The following CFAP92 variants were observed in gnomAD, a reference collection of about 807,000 sequenced individuals.
The protein encoded by CFAP92 is cilia and flagella associated protein 92 (putative), also known as uncharacterized protein CFAP92.
Under a neutral mutation model 106.3 loss-of-function variants are expected in CFAP92, and 86 were observed. The observed-to-expected ratio is 0.81, with a 90% confidence interval of 0.68 to 0.97. CFAP92 has a LOEUF of 0.97. Ranked by LOEUF, CFAP92 falls within the 50% of genes least tolerant of loss-of-function variation. The pLI is 0.00. For missense variants in CFAP92, 1,204 were observed against 1,283.8 expected, an observed-to-expected ratio of 0.94 and a Z score of 0.95; for synonymous variants, 477 against 506.4, an observed-to-expected ratio of 0.94 and a Z score of 0.78.
At chr3:128,928,673 G>A (rs975653236) in intron 12 of CFAP92, among the ~76,000 whole-genome samples, 4 of 152,214 alleles carry the variant, frequency 2.6e-5, no homozygotes, top group Non-Finnish European at 4.4e-5. Context: ...AGATCTAAAT[G>A]TGAGAGCTAA....
intron 10 of CFAP92, among the ~76,000 whole-genome samples, chr3:128,942,491 C>T (rs891523970): frequency 7.2e-5 from 11 of 152,296 alleles, no homozygotes; most frequent in Non-Finnish European, 1.2e-4. Flanking sequence ...GCCCCCATCC[C>T]GAAGCACCTG....
chr3:128,960,503 A>G (rs1353569621), intron 9 of CFAP92, among the ~76,000 whole-genome samples: 4 of 151,854 alleles, frequency 2.6e-5, no homozygotes, highest in African/African-American at 9.7e-5. Context: ...CCTTAATTTC[A>G]ATTCCTTTCA....
At chr3:129,014,631 A>G in the CFAP92 span, among the ~76,000 whole-genome samples, 72 of 152,318 alleles carry the variant, frequency 4.7e-4, no homozygotes, top group African/African-American at 1.7e-3. This position sits in a 1 kb window ranked among gnomAD's most constrained non-coding sequence, Gnocchi z 4.3. Flanking sequence ...GGACATCAAC[A>G]TATGAATTGG....
In CFAP92 at chr3:128,945,694, G is replaced by T; in HGVS notation, c.1635C>A (p.Pro545=). Reference sequence around the variant, plus strand: ...CAAAGGGGTTGTTCTCTGTCTCTCTGGGAGAGATGAGGGCCTGGAAGTTGA... The same window carrying T: ...CAAAGGGGTTGTTCTCTGTCTCTCTTGGAGAGATGAGGGCCTGGAAGTTGA... ...SYLNFQALIS[P]RETENNPFES... The change falls in exon 10 of 16, where the codon CCC becomes CCA. Residue 545 remains proline, a synonymous_variant. Transcript: ENST00000645291. 6.5e-7 allele frequency: 1 copy of T among 1,536,094 alleles called. No homozygotes were observed. The highest frequency in any genetic ancestry group is 1.2e-5 in the South Asian group (1 of 84,044).
At chr3:128,951,644 G>A (rs1940817967) in intron 9 of CFAP92, among the ~76,000 whole-genome samples, 1 of 152,150 alleles carries the variant, frequency 6.6e-6, no homozygotes, top group Admixed American at 6.6e-5. Flanking sequence ...AGTGAGAGTA[G>A]GCAGAAAGGA....
intron 8 of CFAP92, chr3:128,970,393 A>G (rs923908712): frequency 6.6e-6 from 1 of 152,134 alleles, no homozygotes; most frequent in Admixed American, 6.5e-5. Context: ...CTTCTCTATG[A>G]ATGCTGGTTC....
intron 8 of CFAP92, chr3:128,967,878 G>A (rs1942500041): frequency 6.6e-6 from 1 of 152,126 alleles, no homozygotes; most frequent in African/African-American, 2.4e-5. Flanking sequence ...TTTGCTCAGG[G>A]GACAGTCCTG....
At chr3:129,020,715 G>A in the CFAP92 span, among the ~76,000 whole-genome samples, 4 of 152,192 alleles carry the variant, frequency 2.6e-5, no homozygotes, top group Middle Eastern at 3.2e-3. Flanking sequence ...TATTGGAGTG[G>A]CTGGCCCAGG....
At chr3:128,968,091 C>G (rs1216993622) in intron 8 of CFAP92, 1 of 152,184 alleles carries the variant, frequency 6.6e-6, no homozygotes, top group African/African-American at 2.4e-5. Context: ...GCGCTAATGT[C>G]ATTTCATCCT....
intron 12 of CFAP92, among the ~76,000 whole-genome samples, chr3:128,916,836 G>A (rs1403334644): frequency 1.3e-5 from 2 of 152,114 alleles, no homozygotes; most frequent in East Asian, 3.9e-4. Context: ...AAGGTGGCTG[G>A]GACCCAAAAC....
At chr3:128,949,888 A>G (rs1940612480) in intron 9 of CFAP92, among the ~76,000 whole-genome samples, 1 of 152,120 alleles carries the variant, frequency 6.6e-6, no homozygotes, top group Non-Finnish European at 1.5e-5. Context: ...GGTTTCCCCC[A>G]TGTTGGCCAG....
intron 9 of CFAP92, among the ~76,000 whole-genome samples, chr3:128,950,809 C>T (rs4596167): frequency 0.13 from 20,242 of 152,162 alleles, 1,443 homozygotes; most frequent in Middle Eastern, 0.18. Context: ...CACCCCCTGC[C>T]TAGCATGTAT....
intron 9 of CFAP92, among the ~76,000 whole-genome samples, chr3:128,959,070 C>T (rs1232478474): frequency 1.3e-5 from 2 of 151,602 alleles, no homozygotes; most frequent in African/African-American, 2.4e-5. Flanking sequence ...ATTAGCCGGG[C>T]GTGGTGGCAA....
chr3:128,932,786 CTAAG>C lies in CFAP92; in HGVS notation c.2661_2664del (p.Leu888ArgfsTer18). 1.3e-6 allele frequency: 2 copies of C among 1,536,200 alleles called. No individual in the cohort carries two copies. The highest frequency in any genetic ancestry group is 1.7e-4 in the Middle Eastern group (1 of 5,968). On this transcript the variant is annotated frameshift_variant, in exon 12 of 16. Transcript: ENST00000645291. LOFTEE classifies it high-confidence loss of function. ...TACTTCTCCTGGTGGGCGTGGATCT[CTAAG>C]GTGAGGGTGGAGTTCCGACTGTGGT...
At chr3:128,967,258 A>G (rs890325384) in intron 8 of CFAP92, 8 of 152,210 alleles carry the variant, frequency 5.3e-5, no homozygotes, top group African/African-American at 1.9e-4. Context: ...GTGCACAGCC[A>G]TCTGCACAGG....
At chr3:128,931,455 A>G (rs62265282) in intron 12 of CFAP92, among the ~76,000 whole-genome samples, 4,376 of 142,578 alleles carry the variant, frequency 0.031, 117 homozygotes, top group South Asian at 0.11. Flanking sequence ...ATATGTGTGT[A>G]TATATATATA....
chr3:129,009,178 TTC>T, the CFAP92 span, among the ~76,000 whole-genome samples: 2 of 152,174 alleles, frequency 1.3e-5, 1 homozygote, highest in South Asian at 4.1e-4. Flanking sequence ...CTCCTCTGTT[TTC>T]TCTCTCTTTT....
intron 8 of CFAP92, chr3:128,967,861 A>G (rs544615806): frequency 6.6e-6 from 1 of 152,350 alleles, no homozygotes; most frequent in Admixed American, 6.5e-5. Context: ...GTTGGGGCAG[A>G]CCATTCTTTG....
At chr3:128,988,988 C>A (rs1439404177) in intron 2 of CFAP92, 70 bp from the exon 3 acceptor site, 1 of 1,223,150 alleles carries the variant, frequency 8.2e-7, no homozygotes, top group Non-Finnish European at 1.2e-6. Context: ...TCCCCAGTTC[C>A]CTGGAGCTTG....
Sources: gnomAD v4.1 joint callset for allele counts (sites outside exome capture counted in the v4.1 genomes callset) on GRCh38, gnomAD v4.1.1 for gene constraint, Gnocchi (gnomAD v3.1) non-coding constraint, MANE v1.5 for transcripts, NCBI Gene and HGNC (gene_info 2026-07-23, HGNC 2026-07-21) for gene names.